The following FAM135B variants were observed in gnomAD, a reference collection of about 807,000 sequenced individuals.
FAM135B encodes protein FAM135B.
FAM135B carries 43 observed loss-of-function variants against 127.7 expected under a neutral mutation model. The observed-to-expected ratio is 0.34, with a 90% confidence interval of 0.26 to 0.43. The LOEUF is 0.43. Among genes scored for constraint, FAM135B ranks in the 20% least tolerant of loss-of-function variants. The pLI, the probability that FAM135B is intolerant of heterozygous loss-of-function variation, is 1.00. For missense variants in FAM135B, 1,558 were observed against 1,725.6 expected (o/e 0.90, Z 1.72); for synonymous variants, 670 against 665.1 (o/e 1.01, Z -0.11).
intron 2 of FAM135B, among the ~76,000 whole-genome samples, chr8:138,333,675 C>T (rs766622830): frequency 6.6e-6 from 1 of 152,200 alleles, no homozygotes; most frequent in Non-Finnish European, 1.5e-5. Flanking sequence ...AATCCCAGCA[C>T]AGTGCCTAAC....
At chr8:138,334,589 C>T (rs149405057) in intron 2 of FAM135B, among the ~76,000 whole-genome samples, 9 of 152,222 alleles carry the variant, frequency 5.9e-5, no homozygotes, top group East Asian at 3.9e-4. Context: ...TTCCCCTCTA[C>T]GTGTCCACAT....
intron 1 of FAM135B, among the ~76,000 whole-genome samples, chr8:138,457,958 G>C (rs1299536719): frequency 7.0e-6 from 1 of 143,532 alleles, no homozygotes; most frequent in Non-Finnish European, 1.5e-5. Flanking sequence ...GCCTGGGCAA[G>C]AGCGAGACTC....
intron 6 of FAM135B, among the ~76,000 whole-genome samples, chr8:138,244,210 G>A (rs1821103497): frequency 6.6e-6 from 1 of 150,840 alleles, no homozygotes; most frequent in South Asian, 2.1e-4. Context: ...AAAGACATTT[G>A]TCTAAAGAGC....
At chr8:138,465,092 C>G (rs890894586) in intron 1 of FAM135B, among the ~76,000 whole-genome samples, 1 of 152,012 alleles carries the variant, frequency 6.6e-6, no homozygotes, top group Non-Finnish European at 1.5e-5. Flanking sequence ...AAGCCAAAAG[C>G]GGGAAGAGAA....
intron 1 of FAM135B, among the ~76,000 whole-genome samples, chr8:138,413,894 G>T (rs993120395): frequency 1.3e-5 from 2 of 152,056 alleles, no homozygotes; most frequent in Non-Finnish European, 1.5e-5. Flanking sequence ...GGGGGTGGGT[G>T]ACAAGCATTT....
chr8:138,135,465 C>A (rs1816572108), intron 19 of FAM135B, among the ~76,000 whole-genome samples: 1 of 152,016 alleles, frequency 6.6e-6, no homozygotes, highest in Non-Finnish European at 1.5e-5. Flanking sequence ...CATAAAAAAG[C>A]ATCAATATTT....
At chr8:138,161,428 T>C (rs563958598) in intron 12 of FAM135B, among the ~76,000 whole-genome samples, 1 of 152,218 alleles carries the variant, frequency 6.6e-6, no homozygotes. Context: ...TAACCTCTCA[T>C]GTCTGTCTGT....
In FAM135B at chr8:138,258,627, G is replaced by C. The variant is rs115122753; in HGVS notation, c.298-1868C>G. Reference sequence around the variant, plus strand: ...TTGCTGCAATTTCCTTAGGAACTGGGAGAGAAATCATTCTCCTGGATAAGC... The same window carrying C: ...TTGCTGCAATTTCCTTAGGAACTGGCAGAGAAATCATTCTCCTGGATAAGC... On this transcript the variant is annotated intron_variant, in intron 4 of 19. Coordinates refer to ENST00000395297, the MANE Select transcript of FAM135B (RefSeq NM_015912.4). Among the ~76,000 whole-genome samples the C allele has an allele frequency of 7.9e-3, 1,202 of 152,248 alleles. 13 individuals carry two copies. Among genetic ancestry groups the C allele is most frequent in the African/African-American group, 0.028 (1,147 of 41,532 alleles).
chr8:138,477,903 C>T (rs1168782475), intron 1 of FAM135B, among the ~76,000 whole-genome samples: 1 of 152,136 alleles, frequency 6.6e-6, no homozygotes, highest in Non-Finnish European at 1.5e-5. Context: ...GAGCAGAGAT[C>T]TCATGGTCAT....
chr8:138,144,254 A>C (rs1817464805), intron 15 of FAM135B: 1 of 152,222 alleles, frequency 6.6e-6, no homozygotes, highest in Non-Finnish European at 1.5e-5. Flanking sequence ...CCCCATCTCT[A>C]CTAAAACTAC....
At chr8:138,239,959 TG>T (rs1820608435) in intron 7 of FAM135B, among the ~76,000 whole-genome samples, 1 of 121,036 alleles carries the variant, frequency 8.3e-6, no homozygotes, top group African/African-American at 3.2e-5. Context: ...TGAGAACACT[TG>T]GACACAGGAA....
intron 10 of FAM135B, 21 bp from the exon 11 acceptor site, chr8:138,177,441 A>G (rs1268016255): frequency 1.2e-6 from 2 of 1,603,342 alleles, no homozygotes; most frequent in Non-Finnish European, 1.7e-6. Flanking sequence ...AAACAATGTA[A>G]ACAGTTCAAT....
intron 7 of FAM135B, among the ~76,000 whole-genome samples, chr8:138,210,301 G>A (rs1818040275): frequency 6.6e-6 from 1 of 152,300 alleles, no homozygotes; most frequent in Admixed American, 6.5e-5. Flanking sequence ...AGAGTCAGCA[G>A]CTATGAGTCT....
chr8:138,190,634 C>A (rs186463137), intron 9 of FAM135B, among the ~76,000 whole-genome samples: 209 of 152,218 alleles, frequency 1.4e-3, no homozygotes, highest in African/African-American at 4.8e-3. Flanking sequence ...TGTTGTTTTT[C>A]TGATGTGGAA....
chr8:138,156,056 C>G (rs1382778676), intron 12 of FAM135B, among the ~76,000 whole-genome samples: 1 of 152,162 alleles, frequency 6.6e-6, no homozygotes. Context: ...GTAAAGCACT[C>G]CTCAGCAAAT....
chr8:138,397,038 G>A (rs1388826368), intron 1 of FAM135B, among the ~76,000 whole-genome samples: 1 of 152,194 alleles, frequency 6.6e-6, no homozygotes, highest in Non-Finnish European at 1.5e-5. Context: ...GGAGCCAGGT[G>A]TGCATCCCTC....
intron 1 of FAM135B, among the ~76,000 whole-genome samples, chr8:138,375,004 CAA>C (rs1831373393): frequency 6.6e-6 from 1 of 151,626 alleles, no homozygotes; most frequent in African/African-American, 2.4e-5. Context: ...ACAACAACAA[CAA>C]CAACAACAAC....
At chr8:138,275,061 A>C (rs1369590634) in intron 3 of FAM135B, among the ~76,000 whole-genome samples, 2 of 152,222 alleles carry the variant, frequency 1.3e-5, no homozygotes, top group African/African-American at 4.8e-5. Context: ...TGGGGAAGTG[A>C]TAAGTGTCCA....
intron 1 of FAM135B, among the ~76,000 whole-genome samples, chr8:138,412,689 G>C (rs1216805447): frequency 1.3e-5 from 2 of 152,144 alleles, no homozygotes; most frequent in Non-Finnish European, 2.9e-5. Context: ...TTTGACCAGA[G>C]GGCAATGGAA....
Sources: gnomAD v4.1 joint callset for allele counts (sites outside exome capture counted in the v4.1 genomes callset) on GRCh38, gnomAD v4.1.1 for gene constraint, MANE v1.5 for transcripts, NCBI Gene and HGNC (gene_info 2026-07-23, HGNC 2026-07-21) for gene names.